Variants in DLGAP1 observed in about 807,000 individuals in gnomAD.
The protein encoded by DLGAP1 is DLG associated protein 1, also known as disks large-associated protein 1.
A neutral mutation model predicts 90.8 loss-of-function variants in DLGAP1; 11 were observed. The observed-to-expected ratio is 0.12, with a 90% confidence interval of 0.08 to 0.20. DLGAP1 has a LOEUF of 0.20. Ranked by LOEUF, DLGAP1 falls within the 10% of genes least tolerant of loss-of-function variation. The pLI is 1.00. For missense variants in DLGAP1, 1,050 were observed against 1,333.8 expected, an observed-to-expected ratio of 0.79 and a Z score of 3.31; for synonymous variants, 558 against 540.7, an observed-to-expected ratio of 1.03 and a Z score of -0.44.
chr18:3,979,197 G>T (rs549388608), intron 3 of DLGAP1, among the ~76,000 whole-genome samples: 10 of 152,082 alleles, frequency 6.6e-5, no homozygotes, highest in African/African-American at 2.4e-4. Flanking sequence ...TGCATTGCAT[G>T]TACAGTGGCA....
intron 2 of DLGAP1, among the ~76,000 whole-genome samples, chr18:4,043,355 A>G (rs995899447): frequency 1.3e-5 from 2 of 152,240 alleles, no homozygotes; most frequent in African/African-American, 4.8e-5. Flanking sequence ...AAATGTATGA[A>G]TCATAATAGT....
intron 7 of DLGAP1, among the ~76,000 whole-genome samples, chr18:3,591,510 G>A (rs1201534204): frequency 6.6e-6 from 1 of 151,730 alleles, no homozygotes; most frequent in Non-Finnish European, 1.5e-5. Flanking sequence ...GCAACATGGT[G>A]AAACCCATCT....
At chr18:4,281,793 T>C (rs1187279322) in intron 1 of DLGAP1, among the ~76,000 whole-genome samples, 1 of 152,118 alleles carries the variant, frequency 6.6e-6, no homozygotes, top group Non-Finnish European at 1.5e-5. Flanking sequence ...GACACACACA[T>C]GCACAGAGAC....
chr18:3,635,544 G>T (rs2058687796), intron 7 of DLGAP1, among the ~76,000 whole-genome samples: 1 of 151,512 alleles, frequency 6.6e-6, no homozygotes, highest in Non-Finnish European at 1.5e-5. Flanking sequence ...GTGACTAGCT[G>T]AGGACAACCT....
At chr18:4,109,350 C>T (rs1366359110) in intron 2 of DLGAP1, among the ~76,000 whole-genome samples, 1 of 152,086 alleles carries the variant, frequency 6.6e-6, no homozygotes, top group Non-Finnish European at 1.5e-5. Context: ...GGAGTGATAT[C>T]TCCTCATCTT....
intron 2 of DLGAP1, among the ~76,000 whole-genome samples, chr18:4,085,309 TGA>T (rs1373446417): frequency 2.0e-5 from 3 of 152,202 alleles, no homozygotes; most frequent in Non-Finnish European, 2.9e-5. Flanking sequence ...TACCAAGCAG[TGA>T]TTATATGCAT....
chr18:4,046,898 T>A (rs1598299821), intron 2 of DLGAP1, among the ~76,000 whole-genome samples: 1 of 152,336 alleles, frequency 6.6e-6, no homozygotes, highest in East Asian at 1.9e-4. Flanking sequence ...GGCCTCAGGA[T>A]AAAAGGTGCA....
At chr18:3,987,774 C>G (rs1281457108) in intron 3 of DLGAP1, among the ~76,000 whole-genome samples, 1 of 151,894 alleles carries the variant, frequency 6.6e-6, no homozygotes, top group African/African-American at 2.4e-5. Context: ...TTTTAAAGAG[C>G]GTTTTGTCTT....
chr18:3,795,827 A>T (rs181368124), intron 5 of DLGAP1, among the ~76,000 whole-genome samples: 1 of 152,154 alleles, frequency 6.6e-6, no homozygotes, highest in Non-Finnish European at 1.5e-5. Flanking sequence ...AAATTATCCA[A>T]ATAAAACACA....
chr18:3,591,200 G>A (rs1171142256), intron 7 of DLGAP1, among the ~76,000 whole-genome samples: 1 of 152,028 alleles, frequency 6.6e-6, no homozygotes, highest in Non-Finnish European at 1.5e-5. Context: ...TATTCAAGAG[G>A]TAACTTGAAG....
At chr18:4,062,551 A>G (rs1206650723) in intron 2 of DLGAP1, among the ~76,000 whole-genome samples, 1 of 152,136 alleles carries the variant, frequency 6.6e-6, no homozygotes, top group Admixed American at 6.6e-5. Context: ...TTTAAAAGTT[A>G]TTATCTGAGA....
chr18:3,557,817 C>T (rs1391746323), intron 9 of DLGAP1, among the ~76,000 whole-genome samples: 1 of 151,910 alleles, frequency 6.6e-6, no homozygotes, highest in Non-Finnish European at 1.5e-5. Context: ...ATCACAGCTA[C>T]TCGGAAGGCT....
intron 1 of DLGAP1, among the ~76,000 whole-genome samples, chr18:4,295,947 T>C (rs954342099): frequency 1.6e-4 from 24 of 152,220 alleles, no homozygotes; most frequent in Admixed American, 5.2e-4. Context: ...TCAATATTTA[T>C]TGAGTGCTTA....
intron 7 of DLGAP1, among the ~76,000 whole-genome samples, chr18:3,656,792 G>C (rs1426656031): frequency 6.6e-6 from 1 of 152,036 alleles, no homozygotes; most frequent in Admixed American, 6.6e-5. Context: ...GAGTGCAGTG[G>C]CGCAATCTCG....
At chr18:4,081,719 C>T (rs1270565477) in intron 2 of DLGAP1, among the ~76,000 whole-genome samples, 1 of 152,206 alleles carries the variant, frequency 6.6e-6, no homozygotes, top group Non-Finnish European at 1.5e-5. Context: ...AACTTGTCAT[C>T]AACCATTGCC....
chr18:3,953,783 T>C (rs543556672), intron 3 of DLGAP1, among the ~76,000 whole-genome samples: 1 of 152,364 alleles, frequency 6.6e-6, no homozygotes, highest in African/African-American at 2.4e-5. Context: ...TAAATGGAAA[T>C]ATTTTCACCA....
At chr18:4,385,515 C>T (rs944566152) in intron 1 of DLGAP1, among the ~76,000 whole-genome samples, 2 of 151,874 alleles carry the variant, frequency 1.3e-5, no homozygotes, top group African/African-American at 4.8e-5. Flanking sequence ...TTGATCACAT[C>T]TGATTTGAGA....
At chr18:4,173,408 T>G (rs530149260) in intron 1 of DLGAP1, among the ~76,000 whole-genome samples, 19 of 152,296 alleles carry the variant, frequency 1.2e-4, no homozygotes, top group African/African-American at 4.1e-4. Context: ...GGGGTCAAAT[T>G]CTTTATGATC....
At chr18:4,018,897 T>C (rs1752429622) in intron 2 of DLGAP1, among the ~76,000 whole-genome samples, 1 of 152,096 alleles carries the variant, frequency 6.6e-6, no homozygotes, top group Non-Finnish European at 1.5e-5. Context: ...TAAGTGAGGG[T>C]TCCCCACTCA....
Sources: gnomAD v4.1 joint callset for allele counts (sites outside exome capture counted in the v4.1 genomes callset) on GRCh38, gnomAD v4.1.1 for gene constraint, MANE v1.5 for transcripts, NCBI Gene and HGNC (gene_info 2026-07-23, HGNC 2026-07-21) for gene names.